Variants in BBX observed in about 807,000 individuals in gnomAD.
The protein encoded by BBX is BBX high mobility group box domain containing.
Under a neutral mutation model 100.2 loss-of-function variants are expected in BBX, and 30 were observed. That is an observed-to-expected ratio of 0.30 (90% CI 0.22 to 0.41). The LOEUF is 0.41. BBX is among the 10% of genes least tolerant of loss of function. BBX has a pLI of 1.00. For missense variants in BBX, 1,023 were observed against 1,129.8 expected, an observed-to-expected ratio of 0.91 and a Z score of 1.35; for synonymous variants, 376 against 388.1, an observed-to-expected ratio of 0.97 and a Z score of 0.37.
intron 12 of BBX, 76 bp downstream of exon 12, chr3:107,774,933 A>C: frequency 2.6e-6 from 4 of 1,527,090 alleles, no homozygotes; most frequent in African/African-American, 1.4e-5. Context: ...TAAACAGATC[A>C]CTAACTACGC....
At chr3:107,578,250 G>C (rs1466358722) in intron 2 of BBX, among the ~76,000 whole-genome samples, 4 of 152,190 alleles carry the variant, frequency 2.6e-5, no homozygotes, top group Admixed American at 2.6e-4. Context: ...CACTGTAAGA[G>C]GGAGACATGG....
intron 2 of BBX, among the ~76,000 whole-genome samples, chr3:107,597,334 C>A (rs915416106): frequency 6.6e-6 from 1 of 152,082 alleles, no homozygotes; most frequent in Non-Finnish European, 1.5e-5. Flanking sequence ...TGTGACCATA[C>A]GGCTCCCAGT....
intron 7 of BBX, among the ~76,000 whole-genome samples, chr3:107,738,345 A>G (rs533135307): frequency 2.0e-5 from 3 of 152,184 alleles, no homozygotes; most frequent in Non-Finnish European, 4.4e-5. Context: ...ATCAAGAACA[A>G]TGACAAGATT....
rs1417482308 is a variant in BBX, at chr3:107,525,742, G to GGGCTTT, written c.-155-581_-155-576dup. ...CTGGTGGCCCTGCACTTGCCGCTGT[G>GGGCTTT]GGCTTTGGCGAATGTGTTTTCCCTG... On this transcript the variant is annotated intron_variant, in intron 1 of 17. Transcript: ENST00000325805. Among the ~76,000 whole-genome samples, 69 of 152,180 alleles carry GGGCTTT rather than the reference G, an allele frequency of 4.5e-4. 1 individual carries two copies. The highest frequency in any genetic ancestry group is 1.6e-3 in the African/African-American group (66 of 41,442).
At chr3:107,700,967 G>T (rs993757416) in intron 3 of BBX, among the ~76,000 whole-genome samples, 6 of 151,704 alleles carry the variant, frequency 4.0e-5, no homozygotes, top group African/African-American at 9.7e-5. Context: ...GTAATGGGAT[G>T]GCTGGGTCAA....
At chr3:107,799,471 G>A (rs900523434) in intron 16 of BBX, among the ~76,000 whole-genome samples, 3 of 152,080 alleles carry the variant, frequency 2.0e-5, no homozygotes, top group Admixed American at 2.0e-4. Flanking sequence ...GAAAAGAAAG[G>A]TAGTTTTTAG....
At chr3:107,688,058 A>G (rs928091087) in intron 3 of BBX, among the ~76,000 whole-genome samples, 1 of 152,218 alleles carries the variant, frequency 6.6e-6, no homozygotes, top group Non-Finnish European at 1.5e-5. Context: ...CATCTGAAAA[A>G]AAAAGAAGAA....
At chr3:107,523,706 G>C (rs991331570) in intron 1 of BBX, 1 of 152,484 alleles carries the variant, frequency 6.6e-6, no homozygotes, top group African/African-American at 2.4e-5. Flanking sequence ...CTGGGGAGCA[G>C]GGGCAGTGGA....
At chr3:107,614,572 G>C (rs1005798349) in intron 2 of BBX, among the ~76,000 whole-genome samples, 1 of 152,042 alleles carries the variant, frequency 6.6e-6, no homozygotes, top group Admixed American at 6.6e-5. Flanking sequence ...AAAATCTGAA[G>C]ATCCTCAGGC....
intron 2 of BBX, chr3:107,641,685 T>A (rs1407675002): frequency 6.6e-6 from 1 of 152,210 alleles, no homozygotes; most frequent in Non-Finnish European, 1.5e-5. Flanking sequence ...CTGGGAGTAA[T>A]GAGGAAATGC....
chr3:107,543,875 G>A (rs952101380), intron 2 of BBX, among the ~76,000 whole-genome samples: 1 of 152,190 alleles, frequency 6.6e-6, no homozygotes, highest in Non-Finnish European at 1.5e-5. Flanking sequence ...AGTTGTGAAA[G>A]GGTCATTTAA....
chr3:107,565,362 G>A (rs1374846585), intron 2 of BBX, among the ~76,000 whole-genome samples: 1 of 150,302 alleles, frequency 6.7e-6, no homozygotes, highest in Non-Finnish European at 1.5e-5. Flanking sequence ...TTTAGTGATA[G>A]CATACATCCT....
chr3:107,533,890 T>A (rs189637189), intron 2 of BBX, among the ~76,000 whole-genome samples: 2 of 152,330 alleles, frequency 1.3e-5, no homozygotes, highest in African/African-American at 4.8e-5. Context: ...TGTTCTCAGA[T>A]GAGAATGTTT....
chr3:107,578,690 G>C (rs1395809534), intron 2 of BBX, among the ~76,000 whole-genome samples: 4 of 152,100 alleles, frequency 2.6e-5, no homozygotes, highest in African/African-American at 9.7e-5. Flanking sequence ...TCCATCTGCA[G>C]GAAGGAGAAG....
chr3:107,779,466 A>T (rs1576770844), intron 13 of BBX, among the ~76,000 whole-genome samples: 2 of 152,166 alleles, frequency 1.3e-5, no homozygotes, highest in East Asian at 3.9e-4. Flanking sequence ...AAGGACATGG[A>T]ATAGAGAGAT....
At chr3:107,718,287 TATA>T (rs35689201) in intron 5 of BBX, among the ~76,000 whole-genome samples, 15,647 of 147,514 alleles carry the variant, frequency 0.11, 1,107 homozygotes, top group Admixed American at 0.15. Flanking sequence ...GATTGTTAAT[TATA>T]ATAGTATTAA....
intron 6 of BBX, among the ~76,000 whole-genome samples, chr3:107,729,678 T>A (rs1378171952): frequency 1.3e-5 from 2 of 152,166 alleles, no homozygotes; most frequent in African/African-American, 4.8e-5. Flanking sequence ...AATTAGCAGA[T>A]TGAGCAGGAG....
chr3:107,560,015 A>AT (rs2050366841), intron 2 of BBX, among the ~76,000 whole-genome samples: 6 of 152,170 alleles, frequency 3.9e-5, no homozygotes, highest in Admixed American at 3.9e-4. Flanking sequence ...AAATGCTGGC[A>AT]TTATAGGTGT....
At chr3:107,533,759 A>G (rs2048315797) in intron 2 of BBX, among the ~76,000 whole-genome samples, 1 of 152,170 alleles carries the variant, frequency 6.6e-6, no homozygotes, top group Non-Finnish European at 1.5e-5. Context: ...ATGAAAGGCT[A>G]CTTTCATTAA....
Sources: allele counts gnomAD v4.1 joint callset (sites outside exome capture counted in the v4.1 genomes callset), GRCh38; gene constraint gnomAD v4.1.1; transcripts MANE v1.5; gene names NCBI Gene and HGNC (gene_info 2026-07-23, HGNC 2026-07-21).